KIDINS220: variants seen among roughly 807,000 people sequenced by gnomAD.
KIDINS220 encodes the protein kinase D-interacting substrate of 220 kDa.
In KIDINS220, 63 loss-of-function variants were observed where a neutral mutation model predicts 157.6. The observed-to-expected ratio is 0.40, with a 90% CI of 0.33 to 0.49. The LOEUF (loss-of-function observed/expected upper bound fraction) is 0.49. KIDINS220 is among the 20% of genes least tolerant of loss of function. The probability of loss-of-function intolerance (pLI) is 0.66; values close to 1 mark genes in which losing one functional copy is unlikely to be tolerated. For synonymous variants in KIDINS220, 732 were observed against 783.6 expected (o/e 0.93, Z 1.10); for missense variants, 1,772 against 2,171.2 (o/e 0.82, Z 3.65).
In KIDINS220 at chr2:8,812,500, G is replaced by A. The variant is rs751448546; in HGVS notation, c.406-7C>T. Reference sequence around the variant, plus strand: ...TGATTGGGTAAACACTGTACTGCTAGGATAGATTGGTTGGTAGGTAGGTAG... The same window carrying A: ...TGATTGGGTAAACACTGTACTGCTAAGATAGATTGGTTGGTAGGTAGGTAG... On this transcript the variant is annotated splice_region_variant and splice_polypyrimidine_tract_variant and intron_variant, in intron 5 of 29. Coordinates refer to ENST00000256707, the MANE Select transcript of KIDINS220 (RefSeq NM_020738.4). 2 of 1,515,664 alleles carry A rather than the reference G, an allele frequency of 1.3e-6. No homozygotes were observed. The highest frequency in any genetic ancestry group is 4.0e-5 in the Admixed American group (2 of 50,350). 93.9% of individuals were successfully genotyped at this position (1,515,664 alleles called of 1,614,324 possible).
chr2:8,794,135 C>G (rs772640030), intron 11 of KIDINS220, 148 bp from the exon 12 acceptor site: 15 of 539,924 alleles, frequency 2.8e-5, no homozygotes, highest in Non-Finnish European at 4.3e-5. Context: ...ATTTTTATCT[C>G]TATCTTCCCC....
chr2:8,783,414 G>T lies in KIDINS220; in HGVS notation c.2229+2327C>A, dbSNP rs191863670. On this transcript the variant is annotated intron_variant, in intron 17 of 29. Coordinates refer to ENST00000256707, the MANE Select transcript of KIDINS220 (RefSeq NM_020738.4). ...AACATCTACTAAGATCAGGAACGAG[G>T]CAAGATTGTCCCTTTTCTTACCACT... Among the ~76,000 whole-genome samples, 10 of 152,186 alleles carry T rather than the reference G, an allele frequency of 6.6e-5. No individual in the cohort carries two copies. In the East Asian group the frequency reaches 1.9e-3, roughly 29 times the overall value.
chr2:8,785,702 T>G (rs1363617566), intron 17 of KIDINS220, 39 bp downstream of exon 17: 1 of 1,549,358 alleles, frequency 6.5e-7, no homozygotes, highest in African/African-American at 1.4e-5. Context: ...GGCAACATAT[T>G]CGCATTACAA....
At chr2:8,837,204 A>C (rs1164896149) in intron 1 of KIDINS220, among the ~76,000 whole-genome samples, 2 of 152,020 alleles carry the variant, frequency 1.3e-5, no homozygotes, top group Admixed American at 1.3e-4. Context: ...AACCCACCCG[A>C]GGGGCCCCTC....
chr2:8,815,791 GT>G lies in KIDINS220; in HGVS notation c.306+1826del, dbSNP rs1274624925. 5.3e-5 allele frequency among the ~76,000 whole-genome samples: 8 copies of G among 152,334 alleles called. 1 individual carries two copies. Among genetic ancestry groups the G allele is most frequent in the African/African-American group, 1.9e-4 (8 of 41,578 alleles). ...AAAAGACTGAGACCAATTAACTATAGTGTAGCTTTATATTTCATGAACTCTT... is the reference window on the plus strand; with the variant it reads ...AAAAGACTGAGACCAATTAACTATAGGTAGCTTTATATTTCATGAACTCTT... On this transcript the variant is annotated intron_variant, in intron 4 of 29. Transcript: ENST00000256707.
At chr2:8,828,850 A>G (rs1448177553) in intron 1 of KIDINS220, among the ~76,000 whole-genome samples, 2 of 152,194 alleles carry the variant, frequency 1.3e-5, no homozygotes, top group East Asian at 1.9e-4. Context: ...TCTAAGTTGG[A>G]GCAGATAACT....
intron 1 of KIDINS220, among the ~76,000 whole-genome samples, chr2:8,834,056 T>C (rs554361250): frequency 5.9e-5 from 9 of 152,254 alleles, no homozygotes; most frequent in African/African-American, 1.9e-4. Context: ...CATGGTTCTC[T>C]ATCTCCAGCC....
intron 3 of KIDINS220, among the ~76,000 whole-genome samples, chr2:8,818,165 T>C (rs1677359872): frequency 1.3e-5 from 2 of 152,138 alleles, no homozygotes; most frequent in South Asian, 4.1e-4. Flanking sequence ...TATTCTCTTT[T>C]ATTTTTTAAT....
chr2:8,776,056 G>T (rs918969333), intron 21 of KIDINS220, among the ~76,000 whole-genome samples: 3 of 152,096 alleles, frequency 2.0e-5, no homozygotes, highest in African/African-American at 7.2e-5. Flanking sequence ...AGTGAGGCTT[G>T]AGAACTCACT....
At position 8,817,730 on chromosome 2, in the gene KIDINS220, T is replaced by G; in HGVS notation, c.208-14A>C. The G allele has an allele frequency of 6.5e-7, 1 of 1,549,588 alleles. No homozygotes were observed. Among genetic ancestry groups the G allele is most frequent in the Non-Finnish European group, 8.8e-7 (1 of 1,140,124 alleles). On this transcript the variant is annotated splice_polypyrimidine_tract_variant and intron_variant, in intron 3 of 29. Transcript: ENST00000256707. ...TGTCCAATTATCCTTGAACATATAT[T>G]TTAAAAGTTATCATTTTCAAACCAA...
intron 6 of KIDINS220, among the ~76,000 whole-genome samples, chr2:8,809,966 C>T (rs184243518): frequency 1.4e-3 from 213 of 152,252 alleles, no homozygotes; most frequent in African/African-American, 4.9e-3. Flanking sequence ...GCTCCACCTG[C>T]AGCCCAGCTT....
At chr2:8,774,892 T>C (rs1444100658) in intron 21 of KIDINS220, among the ~76,000 whole-genome samples, 2 of 152,186 alleles carry the variant, frequency 1.3e-5, no homozygotes, top group Non-Finnish European at 2.9e-5. Flanking sequence ...GGTTGCCGTA[T>C]GGAGAATAGG....
intron 22 of KIDINS220, among the ~76,000 whole-genome samples, chr2:8,764,395 T>TA (rs1669167560): frequency 6.6e-6 from 1 of 152,008 alleles, no homozygotes; most frequent in Non-Finnish European, 1.5e-5. Flanking sequence ...GCTATTGAAA[T>TA]AAAAATTTTA....
In KIDINS220 at chr2:8,747,575, GAA is replaced by G. The variant is rs1194896158; in HGVS notation, c.3528+310_3528+311del. 9.0e-5 allele frequency: 28 copies of G among 310,262 alleles called. 1 individual carries two copies. The highest frequency in any genetic ancestry group is 4.8e-4 in the African/African-American group (22 of 46,292). The allele number at this position is 310,262 out of a possible 1,614,324, so 19.2% of individuals were successfully genotyped here. On this transcript the variant is annotated intron_variant, in intron 25 of 29. Transcript: ENST00000256707. ...GGTACTGTATACACATGTTCTTTAA[GAA>G]GATATTAGAAATTACCAAATGTAAA... is the stretch of plus-strand genomic sequence containing the variant.
intron 23 of KIDINS220, among the ~76,000 whole-genome samples, chr2:8,751,079 T>C (rs775687670): frequency 1.3e-5 from 2 of 152,024 alleles, no homozygotes; most frequent in Non-Finnish European, 2.9e-5. Flanking sequence ...TAGAGATCCC[T>C]GTTAAGAACC....
At chr2:8,751,410 A>G (rs920227739) in intron 23 of KIDINS220, 56 bp downstream of exon 23, 5 of 1,431,034 alleles carry the variant, frequency 3.5e-6, no homozygotes, top group Non-Finnish European at 4.8e-6. Flanking sequence ...TAAGTTAGAA[A>G]CATGAAAAAT....
At chr2:8,787,034 G>A (rs1572655076) in intron 15 of KIDINS220, among the ~76,000 whole-genome samples, 1 of 151,132 alleles carries the variant, frequency 6.6e-6, no homozygotes, top group South Asian at 2.1e-4. Flanking sequence ...CAGTAGATAA[G>A]CATTGCTCTC....
chr2:8,736,728 T>C (rs1459222858), intron 27 of KIDINS220, 140 bp downstream of exon 27: 3 of 888,944 alleles, frequency 3.4e-6, no homozygotes, highest in Non-Finnish European at 5.0e-6. Context: ...CTAGTAAGAA[T>C]TATGTTTTCC....
intron 22 of KIDINS220, among the ~76,000 whole-genome samples, chr2:8,762,303 C>A (rs1042507425): frequency 1.3e-5 from 2 of 152,128 alleles, no homozygotes; most frequent in African/African-American, 4.8e-5. Context: ...GGTTAATATA[C>A]CTGAGTTTTT....
Sources: allele counts gnomAD v4.1 joint callset (sites outside exome capture counted in the v4.1 genomes callset), GRCh38; gene constraint gnomAD v4.1.1; transcripts MANE v1.5; gene names NCBI Gene and HGNC (gene_info 2026-07-23, HGNC 2026-07-21).